The following CRB2 variants were observed in gnomAD, a reference collection of about 807,000 sequenced individuals.
The protein encoded by CRB2 is protein crumbs homolog 2.
Under a neutral mutation model 110.9 loss-of-function variants are expected in CRB2, and 85 were observed. The observed-to-expected ratio is 0.77, with a 90% CI of 0.64 to 0.92. The LOEUF (loss-of-function observed/expected upper bound fraction) is 0.92, where lower values mean the gene tolerates loss of function less well. Among genes scored for constraint, CRB2 ranks in the 40% least tolerant of loss-of-function variants. The pLI, the probability that CRB2 is intolerant of heterozygous loss-of-function variation, is 0.00. For synonymous variants in CRB2, 907 were observed against 831.0 expected (o/e 1.09, Z -1.57); for missense variants, 1,843 against 1,851.3 (o/e 1.00, Z 0.08).
At chr9:123,359,444 T>TTG (rs1021449604) in intron 1 of CRB2, among the ~76,000 whole-genome samples, 3 of 120,174 alleles carry the variant, frequency 2.5e-5, no homozygotes, top group East Asian at 3.1e-4. Flanking sequence ...TTGTTTTGTT[T>TTG]TTTTTTTTTT....
chr9:123,375,473 G>A (rs2042089239), intron 12 of CRB2, 130 bp downstream of exon 12: 1 of 1,119,516 alleles, frequency 8.9e-7, no homozygotes, highest in Non-Finnish European at 1.2e-6. Context: ...GGCAGTGAGA[G>A]GAGCCTCAGG....
chr9:123,354,983 C>T (rs1182677782), upstream of CRB2, among the ~76,000 whole-genome samples: 1 of 152,226 alleles, frequency 6.6e-6, no homozygotes, highest in Non-Finnish European at 1.5e-5. Flanking sequence ...GCTGTGTCCT[C>T]CCGTGTCAGG....
At chr9:123,372,445 C>A in intron 9 of CRB2, 103 bp downstream of exon 9, 1 of 1,426,616 alleles carries the variant, frequency 7.0e-7, no homozygotes, top group Non-Finnish European at 9.4e-7. Context: ...GTGGACCAGG[C>A]ATGCCAAGCC....
In CRB2 at chr9:123,371,167, T is replaced by G. The variant is rs1014378195; in HGVS notation, c.2025T>G (p.Leu675=). Residue 675 remains leucine (L), a synonymous_variant, in exon 8 of 13, where the codon CTT becomes CTG. Coordinates refer to ENST00000373631, the MANE Select transcript of CRB2 (RefSeq NM_173689.7). ...LPGPNLTVSF[L]LRTRESAGLL... is the part of the protein sequence containing the mutation. ...GTCCCAACCTCACAGTGTCTTTCCT[T>G]CTCCGCACTCGGGAGTCCGCTGGCC... is the stretch of plus-strand genomic sequence containing the variant. The G allele has an allele frequency of 1.3e-5, 21 of 1,613,582 alleles. No homozygotes were observed. The highest frequency in any genetic ancestry group is 2.7e-5 in the African/African-American group (2 of 74,918).
intron 10 of CRB2, chr9:123,374,239 C>T (rs1430371822): frequency 3.4e-6 from 2 of 593,456 alleles, no homozygotes; most frequent in Admixed American, 3.0e-5. Flanking sequence ...TTCCCTTATT[C>T]ATCTGGCAGT....
At chr9:123,375,431 G>A in intron 12 of CRB2, 88 bp downstream of exon 12, 2 of 1,418,590 alleles carry the variant, frequency 1.4e-6, no homozygotes, top group African/African-American at 2.9e-5. Flanking sequence ...AGCACCATGG[G>A]GCTGTTCCTG....
chr9:123,378,946 T>C (rs2042156167), downstream of CRB2, among the ~76,000 whole-genome samples: 1 of 150,956 alleles, frequency 6.6e-6, no homozygotes, highest in Non-Finnish European at 1.5e-5. Flanking sequence ...CTGGAGTAGC[T>C]GGGATTACAG....
intron 10 of CRB2, 118 bp downstream of exon 10, chr9:123,374,038 C>A: frequency 5.6e-6 from 7 of 1,241,586 alleles, no homozygotes; most frequent in South Asian, 1.3e-5. Context: ...ATGTCCTTAT[C>A]TGTGACATGA....
intron 6 of CRB2, among the ~76,000 whole-genome samples, chr9:123,369,434 A>T (rs973192252): frequency 1.3e-5 from 2 of 152,212 alleles, no homozygotes; most frequent in African/African-American, 4.8e-5. Context: ...AGAGTGACAC[A>T]GTAGTTTGAG....
intron 1 of CRB2, among the ~76,000 whole-genome samples, chr9:123,359,431 TTTTTG>T (rs1158769454): frequency 4.8e-3 from 449 of 93,576 alleles, no homozygotes; most frequent in African/African-American, 0.018. Flanking sequence ...TGGTTTTTCG[TTTTTG>T]TTTTGTTTTT....
upstream of CRB2, among the ~76,000 whole-genome samples, chr9:123,354,302 C>A (rs62579935): frequency 0.11 from 16,862 of 152,280 alleles, 1,083 homozygotes; most frequent in Admixed American, 0.19. Flanking sequence ...TGGACCTGCG[C>A]CGGGTGACCT....
rs182010768 is a variant in CRB2, at chr9:123,356,673, G to A, written c.94+319G>A. ...TGCGTGTTTTGGGAGGTGCTGTGTT[G>A]CATCCTGTAAAGGGCTGGGGGACTT... On this transcript the variant is annotated intron_variant, in intron 1 of 12. Coordinates refer to ENST00000373631, the MANE Select transcript of CRB2 (RefSeq NM_173689.7). 3.7e-4 allele frequency among the ~76,000 whole-genome samples: 56 copies of A among 152,118 alleles called. No individual in the cohort carries two copies. In the East Asian group the frequency reaches 9.7e-3, roughly 26 times the overall value.
At position 123,367,603 on chromosome 9, in the gene CRB2, G is replaced by A; in HGVS notation, c.971G>A (p.Cys324Tyr). The change falls in exon 6 of 13, where the codon TGT becomes TAT. Residue 324 changes from cysteine to tyrosine, a missense_variant. Cys to Tyr is a radical substitution (Grantham distance 194). Coordinates refer to ENST00000373631, the MANE Select transcript of CRB2 (RefSeq NM_173689.7). ...GACTGCGGTGTGGAGGTGGACGAGT[G>A]TGCCTCACGGCCATGCCTCAACGGA... ...GADCGVEVDECASRPCLNGGH... is the reference protein window; with the variant it reads ...GADCGVEVDEYASRPCLNGGH... 1.3e-6 allele frequency: 2 copies of A among 1,564,110 alleles called. No homozygotes were observed. Among genetic ancestry groups the A allele is most frequent in the Non-Finnish European group, 1.7e-6 (2 of 1,155,184 alleles).
chr9:123,373,320 C>A lies in CRB2; in HGVS notation c.2789C>A (p.Ala930Glu). The change falls in exon 10 of 13, where the codon GCG becomes GAG. Residue 930 changes from alanine to glutamate, a missense_variant. Coordinates refer to ENST00000373631, the MANE Select transcript of CRB2 (RefSeq NM_173689.7). Reference sequence around the variant, plus strand: ...CTGGCGGTGCGCAATGGCTCGCTGGCGGGGGGCGTGCGCGGAGGCCATGGC... The same window carrying A: ...CTGGCGGTGCGCAATGGCTCGCTGGAGGGGGGCGTGCGCGGAGGCCATGGC... ...VWLAVRNGSL[A>E]GGVRGGHGLP... The A allele has an allele frequency of 6.9e-7, 1 of 1,450,304 alleles. No individual in the cohort carries two copies. The highest frequency in any genetic ancestry group is 1.4e-5 in the South Asian group (1 of 73,358). The allele number at this position is 1,450,304 out of a possible 1,614,324, so 89.8% of individuals were successfully genotyped here.
chr9:123,364,390 A>AGTGGGT (rs1554782334), intron 2 of CRB2, among the ~76,000 whole-genome samples: 5 of 67,868 alleles, frequency 7.4e-5, no homozygotes, highest in South Asian at 4.3e-4. Flanking sequence ...GTGCATCCGG[A>AGTGGGT]TGTGTAGCAC....
intron 1 of CRB2, among the ~76,000 whole-genome samples, chr9:123,358,340 T>C (rs1330103699): frequency 1.3e-5 from 2 of 152,150 alleles, no homozygotes; most frequent in East Asian, 1.9e-4. Context: ...ATGGGGCACG[T>C]TGGGCTCTCA....
At position 123,377,944 on chromosome 9, in the gene CRB2, C is replaced by T. The variant is rs1175229324; in HGVS notation, c.*882C>T. The T allele has an allele frequency of 6.6e-6, 1 of 152,272 alleles. No homozygotes were observed. Among genetic ancestry groups the T allele is most frequent in the African/African-American group, 2.4e-5 (1 of 41,438 alleles). 9.4% of individuals were successfully genotyped at this position (152,272 alleles called of 1,614,324 possible). On this transcript the variant is annotated 3_prime_UTR_variant, in exon 13 of 13. Transcript: ENST00000373631. ...AAAGAATCTGGAAGTCTTCAACTGC[C>T]GTCTGATGGGAAGGACCGTCTGGGT...
intron 8 of CRB2, among the ~76,000 whole-genome samples, 191 bp from the exon 9 acceptor site, chr9:123,371,986 A>G (rs1245067310): frequency 6.6e-6 from 1 of 152,184 alleles, no homozygotes; most frequent in Non-Finnish European, 1.5e-5. Flanking sequence ...GACTCAGGCA[A>G]GTGGCTTTGC....
downstream of CRB2, among the ~76,000 whole-genome samples, chr9:123,379,263 G>A (rs370326088): frequency 5.8e-4 from 89 of 152,212 alleles, no homozygotes; most frequent in South Asian, 3.5e-3. Context: ...CCGCCTCCCC[G>A]CAAACACCAG....
Sources: gnomAD v4.1 joint callset for allele counts (sites outside exome capture counted in the v4.1 genomes callset) on GRCh38, gnomAD v4.1.1 for gene constraint, MANE v1.5 for transcripts, NCBI Gene and HGNC (gene_info 2026-07-23, HGNC 2026-07-21) for gene names.